CRACR2A: variants seen among roughly 807,000 people sequenced by gnomAD.
The protein encoded by CRACR2A is EF-hand calcium-binding domain-containing protein 4B.
Under a neutral mutation model 90.5 loss-of-function variants are expected in CRACR2A, and 79 were observed. The ratio of observed to expected loss-of-function variants is 0.87; its 90% CI spans 0.73 to 1.05. The LOEUF (loss-of-function observed/expected upper bound fraction) is 1.05. Among genes scored for constraint, CRACR2A ranks in the 50% least tolerant of loss-of-function variants. CRACR2A has a pLI of 0.00. For missense variants in CRACR2A, 823 were observed against 897.2 expected, an observed-to-expected ratio of 0.92 and a Z score of 1.06; for synonymous variants, 338 against 356.7, an observed-to-expected ratio of 0.95 and a Z score of 0.59.
intron 5 of CRACR2A, 74 bp downstream of exon 5, chr12:3,680,163 AG>A: frequency 8.0e-7 from 1 of 1,248,046 alleles, no homozygotes; most frequent in Non-Finnish European, 1.2e-6. Context: ...CAGGTCTACA[AG>A]GGACAGGAAT....
intron 3 of CRACR2A, among the ~76,000 whole-genome samples, chr12:3,712,049 A>G (rs1946012885): frequency 6.6e-6 from 1 of 152,194 alleles, no homozygotes; most frequent in Non-Finnish European, 1.5e-5. Flanking sequence ...ACAGTTCCCA[A>G]TTATTTCCCC....
At chr12:3,745,815 T>TAAAAA (rs1215428086) in intron 1 of CRACR2A, among the ~76,000 whole-genome samples, 1 of 5,848 alleles carries the variant, frequency 1.7e-4, no homozygotes, top group Non-Finnish European at 4.8e-4. Context: ...TAAAATAAAA[T>TAAAAA]AAAATAAAAT....
chr12:3,673,983 G>A (rs753404861), intron 6 of CRACR2A, among the ~76,000 whole-genome samples: 2 of 152,132 alleles, frequency 1.3e-5, no homozygotes, highest in Non-Finnish European at 1.5e-5. Context: ...CCTTCACGAC[G>A]GGCTCGTGGG....
chr12:3,727,721 C>G (rs1245384561), intron 2 of CRACR2A: 1 of 152,100 alleles, frequency 6.6e-6, no homozygotes, highest in Non-Finnish European at 1.5e-5. Flanking sequence ...CTCTAGGGGA[C>G]AGCCTGACCC....
rs1467483566 is a variant in CRACR2A at position 3,678,967 on chromosome 12, C to T, written c.472G>A (p.Ala158Thr). The change falls in exon 6 of 20, where the codon GCC (alanine) becomes ACC (threonine). Residue 158 changes from alanine (A) to threonine (T), a missense_variant. By Grantham distance (58) the Ala-to-Thr change is moderately conservative (BLOSUM62 0). Coordinates refer to ENST00000440314, the MANE Select transcript of CRACR2A (RefSeq NM_001144958.2). ...CTGTCCATCAGCATCCGGAACTGGG[C>T]TTCCTCATCTTCGCCCATGTCGCCC... ...DLGDMGEDEE[A>T]QFRMLMDRLG... 3 of 1,613,596 alleles carry T rather than the reference C, an allele frequency of 1.9e-6. No homozygotes were observed. The highest frequency in any genetic ancestry group is 2.5e-6 in the Non-Finnish European group (3 of 1,179,886).
At chr12:3,671,708 C>T (rs755089505) in intron 7 of CRACR2A, among the ~76,000 whole-genome samples, 18 of 152,214 alleles carry the variant, frequency 1.2e-4, no homozygotes, top group Non-Finnish European at 2.6e-4. Context: ...GGCTCAAACT[C>T]TCCACTTCAG....
chr12:3,734,350 T>C (rs1385060856), intron 1 of CRACR2A, among the ~76,000 whole-genome samples: 1 of 152,124 alleles, frequency 6.6e-6, no homozygotes, highest in Non-Finnish European at 1.5e-5. Flanking sequence ...CCCCCACTGA[T>C]GTACCAGACA....
intron 15 of CRACR2A, among the ~76,000 whole-genome samples, chr12:3,630,626 T>A (rs1591639718): frequency 6.6e-6 from 1 of 152,172 alleles, no homozygotes; most frequent in East Asian, 1.9e-4. Flanking sequence ...TCCAGGGAGA[T>A]CCTCTATTGT....
In CRACR2A at chr12:3,648,124, C is replaced by T. The variant is rs1261254450; in HGVS notation, c.1118+418G>A. Reference sequence around the variant, plus strand: ...TCGCCTGTGGTAAATTACTTCTTTCCTCTAATATCAACTTCCCATCAGTAA... The same window carrying T: ...TCGCCTGTGGTAAATTACTTCTTTCTTCTAATATCAACTTCCCATCAGTAA... On this transcript the variant is annotated intron_variant, in intron 11 of 19. Coordinates refer to ENST00000440314, the MANE Select transcript of CRACR2A (RefSeq NM_001144958.2). 6 of 1,017,530 alleles carry T rather than the reference C, an allele frequency of 5.9e-6. No homozygotes were observed. The African/African-American group carries it at 1.0e-4, about 17-fold the overall frequency. The allele number at this position is 1,017,530 out of a possible 1,614,324, so 63.0% of individuals were successfully genotyped here.
At chr12:3,666,364 T>TGTGTGTGTGTGTGCGC (rs765943563) in intron 7 of CRACR2A, among the ~76,000 whole-genome samples, 44 of 149,490 alleles carry the variant, frequency 2.9e-4, no homozygotes, top group African/African-American at 1.0e-3. Flanking sequence ...TGCGTGCGTG[T>TGTGTGTGTGTGTGCGC]GCGCGTGCGC....
chr12:3,640,728 T>C (rs1398525702), intron 13 of CRACR2A: 3 of 1,305,390 alleles, frequency 2.3e-6, no homozygotes, highest in Non-Finnish European at 3.0e-6. Flanking sequence ...CTTCAAGGTC[T>C]CTCTGGGTCT....
At chr12:3,616,088 TC>T (rs1410382316) in intron 19 of CRACR2A, among the ~76,000 whole-genome samples, 1 of 152,254 alleles carries the variant, frequency 6.6e-6, no homozygotes, top group Non-Finnish European at 1.5e-5. Context: ...TGATTGATGT[TC>T]CTACCTTCCT....
In CRACR2A at chr12:3,702,932, C is replaced by T. The variant is rs113461516; in HGVS notation, c.-36-5897G>A. On this transcript the variant is annotated intron_variant, in intron 3 of 19. Transcript: ENST00000440314. The stretch of plus-strand genomic sequence containing the variant: ...CAAGACAGTGCTACTGGCATAAAGA[C>T]ACACAAACAGATAAATGGAACAGAA... Among the ~76,000 whole-genome samples the T allele has an allele frequency of 2.0e-3, 298 of 152,262 alleles. 4 individuals are homozygous for T. The highest frequency in any genetic ancestry group is 7.0e-3 in the African/African-American group (290 of 41,546).
intron 2 of CRACR2A, among the ~76,000 whole-genome samples, chr12:3,715,556 T>C (rs1276519238): frequency 5.3e-5 from 8 of 152,202 alleles, no homozygotes; most frequent in African/African-American, 1.9e-4. Context: ...ACCAACCAGA[T>C]AGGTCATCAG....
intron 14 of CRACR2A, among the ~76,000 whole-genome samples, chr12:3,636,306 G>A (rs932434182): frequency 3.3e-5 from 5 of 152,206 alleles, no homozygotes; most frequent in South Asian, 2.1e-4. Context: ...TCAAACGAGC[G>A]TACCTTCTCT....
chr12:3,692,150 AC>A (rs1361172755), intron 4 of CRACR2A, among the ~76,000 whole-genome samples: 1 of 152,098 alleles, frequency 6.6e-6, no homozygotes, highest in Non-Finnish European at 1.5e-5. Flanking sequence ...TCTTTTTGTC[AC>A]ATCAGCCATC....
intron 1 of CRACR2A, among the ~76,000 whole-genome samples, chr12:3,745,356 GAAC>G (rs1158551119): frequency 6.6e-6 from 1 of 151,134 alleles, no homozygotes; most frequent in Non-Finnish European, 1.5e-5. Context: ...GAACTTCCAA[GAAC>G]TCCTCCTCCC....
intron 3 of CRACR2A, among the ~76,000 whole-genome samples, chr12:3,700,853 C>T (rs1268291112): frequency 6.6e-6 from 1 of 152,144 alleles, no homozygotes; most frequent in Non-Finnish European, 1.5e-5. Flanking sequence ...TACTATCAAC[C>T]ATCTTGACTT....
intron 6 of CRACR2A, among the ~76,000 whole-genome samples, chr12:3,678,549 T>C (rs1212072371): frequency 2.6e-5 from 4 of 151,792 alleles, no homozygotes; most frequent in East Asian, 1.9e-4. Context: ...GAGAACTCCA[T>C]GAAAAACCCT....
Sources: allele counts gnomAD v4.1 joint callset (sites outside exome capture counted in the v4.1 genomes callset), GRCh38; gene constraint gnomAD v4.1.1; transcripts MANE v1.5; gene names NCBI Gene and HGNC (gene_info 2026-07-23, HGNC 2026-07-21).